TMTC2: variants seen among roughly 807,000 people sequenced by gnomAD.
The protein encoded by TMTC2 is protein O-mannosyl-transferase TMTC2.
Under a neutral mutation model 82.4 loss-of-function variants are expected in TMTC2, and 43 were observed. The ratio of observed to expected loss-of-function variants is 0.52; its 90% CI spans 0.41 to 0.67. The LOEUF (loss-of-function observed/expected upper bound fraction) is 0.67, where lower values mean the gene tolerates loss of function less well. Ranked by LOEUF, TMTC2 falls within the 30% of genes least tolerant of loss-of-function variation. The probability of loss-of-function intolerance (pLI) is 0.00; values close to 1 mark genes in which losing one functional copy is unlikely to be tolerated. For synonymous variants in TMTC2, 408 were observed against 381.9 expected, an observed-to-expected ratio of 1.07 and a Z score of -0.80; for missense variants, 919 against 1,012.4, an observed-to-expected ratio of 0.91 and a Z score of 1.25.
At chr12:83,083,818 GTCTTTTACAGTGT>G (rs749464051) in intron 11 of TMTC2, among the ~76,000 whole-genome samples, 1 of 152,148 alleles carries the variant, frequency 6.6e-6, no homozygotes, top group Non-Finnish European at 1.5e-5. Flanking sequence ...CAAGACAGCA[GTCTTTTACAGTGT>G]TGGAAATAAA....
chr12:82,772,819 CT>C (rs1448728197), intron 1 of TMTC2, among the ~76,000 whole-genome samples: 2 of 152,044 alleles, frequency 1.3e-5, no homozygotes, highest in African/African-American at 2.4e-5. Context: ...ACGTTGGGTG[CT>C]TTTTTTCGCT....
At chr12:83,040,642 A>G (rs938548128) in intron 9 of TMTC2, among the ~76,000 whole-genome samples, 13 of 151,372 alleles carry the variant, frequency 8.6e-5, no homozygotes, top group Admixed American at 6.6e-4. Flanking sequence ...TGCTTCACCT[A>G]GGAAGGCTGG....
intron 1 of TMTC2, among the ~76,000 whole-genome samples, chr12:82,710,731 A>G (rs1418092035): frequency 6.6e-6 from 1 of 152,194 alleles, no homozygotes; most frequent in Non-Finnish European, 1.5e-5. Flanking sequence ...CCTTGGGTTT[A>G]TTCTCAGATC....
At chr12:82,967,408 A>G (rs1029340634) in intron 7 of TMTC2, among the ~76,000 whole-genome samples, 12 of 152,112 alleles carry the variant, frequency 7.9e-5, no homozygotes, top group African/African-American at 2.9e-4. Flanking sequence ...AGTAATATTA[A>G]TAATAAAAAC....
intron 4 of TMTC2, among the ~76,000 whole-genome samples, chr12:82,932,600 G>A (rs912991939): frequency 6.6e-6 from 1 of 152,048 alleles, no homozygotes; most frequent in Non-Finnish European, 1.5e-5. Flanking sequence ...TTATGAAAAA[G>A]AATCTTATGA....
chr12:82,771,155 C>T (rs12305927), intron 1 of TMTC2, among the ~76,000 whole-genome samples: 22,564 of 148,554 alleles, frequency 0.15, 1,936 homozygotes, highest in Middle Eastern at 0.24. Flanking sequence ...TGCAGTGAGC[C>T]GAGATCACGC....
At chr12:82,866,794 T>C (rs534497233) in intron 2 of TMTC2, among the ~76,000 whole-genome samples, 1 of 152,216 alleles carries the variant, frequency 6.6e-6, no homozygotes, top group African/African-American at 2.4e-5. Context: ...TTATTGTTGA[T>C]TTATCGAATG....
chr12:82,855,368 T>C (rs552629444), intron 1 of TMTC2, among the ~76,000 whole-genome samples: 1 of 152,290 alleles, frequency 6.6e-6, no homozygotes, highest in Non-Finnish European at 1.5e-5. Flanking sequence ...TGCTTTTCGG[T>C]AATACTCATG....
intron 11 of TMTC2, among the ~76,000 whole-genome samples, chr12:83,103,209 T>C (rs1450473355): frequency 6.6e-6 from 1 of 152,214 alleles, no homozygotes; most frequent in Non-Finnish European, 1.5e-5. Flanking sequence ...CCCTGCTTGC[T>C]GGCTAATAAC....
chr12:83,028,885 A>G (rs1404466633), intron 8 of TMTC2, among the ~76,000 whole-genome samples: 1 of 152,210 alleles, frequency 6.6e-6, no homozygotes, highest in African/African-American at 2.4e-5. Context: ...TTGAAGTTAA[A>G]ATGTGGGAAA....
intron 11 of TMTC2, among the ~76,000 whole-genome samples, chr12:83,086,792 T>TA (rs111892476): frequency 9.2e-5 from 14 of 152,328 alleles, no homozygotes; most frequent in African/African-American, 3.4e-4. Context: ...ATTTTATTAC[T>TA]AAAAAATGCT....
intron 1 of TMTC2, among the ~76,000 whole-genome samples, chr12:82,824,214 A>G (rs2137067384): frequency 6.6e-6 from 1 of 152,202 alleles, no homozygotes; most frequent in South Asian, 2.1e-4. Flanking sequence ...CTTAAATAAC[A>G]AATGTTTTGT....
intron 11 of TMTC2, among the ~76,000 whole-genome samples, chr12:83,064,220 C>G (rs933407114): frequency 6.6e-6 from 1 of 151,592 alleles, no homozygotes; most frequent in Non-Finnish European, 1.5e-5. Flanking sequence ...GCTATCTGAC[C>G]TGAACTAAAA....
chr12:82,896,215 G>T lies in TMTC2; in HGVS notation c.1052G>T (p.Gly351Val), dbSNP rs1476446228. The T allele has an allele frequency of 1.2e-6, 2 of 1,613,996 alleles. No homozygotes were observed. The highest frequency in any genetic ancestry group is 1.7e-6 in the Non-Finnish European group (2 of 1,180,014). The change falls in exon 3 of 12, where the codon GGA becomes GTA. Residue 351 changes from glycine to valine, a missense_variant. Transcript: ENST00000321196. Reference sequence around the variant, plus strand: ...ACAAATGGCAAGCAGAATGCAAATGGACATAGCTGCCTTTCAGATGTGGAG... The same window carrying T: ...ACAAATGGCAAGCAGAATGCAAATGTACATAGCTGCCTTTCAGATGTGGAG... ...TVTNGKQNANGHSCLSDVEYQ... is the reference protein window; with the variant it reads ...TVTNGKQNANVHSCLSDVEYQ...
At chr12:82,802,217 A>G (rs1451292192) in intron 1 of TMTC2, among the ~76,000 whole-genome samples, 3 of 152,154 alleles carry the variant, frequency 2.0e-5, no homozygotes, top group African/African-American at 7.2e-5. Context: ...CTGCTGGCTC[A>G]GGTCCTAGGC....
intron 9 of TMTC2, among the ~76,000 whole-genome samples, chr12:83,047,590 A>T (rs1365479380): frequency 6.6e-6 from 1 of 152,200 alleles, no homozygotes; most frequent in Non-Finnish European, 1.5e-5. Context: ...TGTTGAGAAG[A>T]GAATAGAGGA....
At chr12:82,925,982 TTTTTTTTTTG>T (rs1454036196) in intron 3 of TMTC2, among the ~76,000 whole-genome samples, 15 of 109,212 alleles carry the variant, frequency 1.4e-4, no homozygotes, top group Admixed American at 5.7e-4. Context: ...GAAAATTGTT[TTTTTTTTTTG>T]TTTTTTTTTT....
At chr12:82,936,679 G>T (rs1413422820) in intron 4 of TMTC2, among the ~76,000 whole-genome samples, 1 of 152,076 alleles carries the variant, frequency 6.6e-6, no homozygotes, top group African/African-American at 2.4e-5. Flanking sequence ...TTGACCAGCA[G>T]CTGCCTTGGA....
intron 11 of TMTC2, among the ~76,000 whole-genome samples, chr12:83,065,378 A>T (rs770413827): frequency 2.0e-5 from 3 of 151,904 alleles, no homozygotes; most frequent in Non-Finnish European, 4.4e-5. Flanking sequence ...AAGATGTCTA[A>T]ATTAACAGGC....
Sources: allele counts gnomAD v4.1 joint callset (sites outside exome capture counted in the v4.1 genomes callset), GRCh38; gene constraint gnomAD v4.1.1; transcripts MANE v1.5; gene names NCBI Gene and HGNC (gene_info 2026-07-23, HGNC 2026-07-21).